The following CTDSPL2 variants were observed in gnomAD, a reference collection of about 807,000 sequenced individuals.
CTDSPL2 encodes the protein CTD small phosphatase like 2, also known as CTD small phosphatase-like protein 2.
A neutral mutation model predicts 60.0 loss-of-function variants in CTDSPL2; 5 were observed. That is an observed-to-expected ratio of 0.08 (90% CI 0.04 to 0.18). CTDSPL2 has a LOEUF of 0.18. Among genes scored for constraint, CTDSPL2 ranks in the 10% least tolerant of loss-of-function variants. CTDSPL2 has a pLI of 1.00. For synonymous variants in CTDSPL2, 186 were observed against 189.3 expected (o/e 0.98, Z 0.14); for missense variants, 370 against 548.8 (o/e 0.67, Z 3.26).
chr15:44,458,061 A>C (rs2080485866), intron 1 of CTDSPL2, among the ~76,000 whole-genome samples: 1 of 152,186 alleles, frequency 6.6e-6, no homozygotes, highest in Non-Finnish European at 1.5e-5. Flanking sequence ...TTGTTCTGTG[A>C]GTGTATCCAC....
chr15:44,445,129 C>T (rs1393177949), intron 1 of CTDSPL2, among the ~76,000 whole-genome samples: 1 of 151,602 alleles, frequency 6.6e-6, no homozygotes, highest in East Asian at 1.9e-4. Flanking sequence ...CAGGTGTGAG[C>T]CACCCCGCCC....
At position 44,428,709 on chromosome 15, in the gene CTDSPL2, A is replaced by G. The variant is rs547187628; in HGVS notation, c.-25+937A>G. Among the ~76,000 whole-genome samples, 6 of 152,336 alleles carry G rather than the reference A, an allele frequency of 3.9e-5. No homozygotes were observed. The East Asian group carries it at 1.2e-3, about 29-fold the overall frequency. On this transcript the variant is annotated intron_variant, in intron 1 of 12. Transcript: ENST00000260327. ...ATGAATTTCTTCAGTGGGTATACAA[A>G]TTAGTGACTTGAAATGATGGATTTA...
At chr15:44,461,573 CTTTTT>C (rs35540014) in intron 2 of CTDSPL2, among the ~76,000 whole-genome samples, 4 of 125,656 alleles carry the variant, frequency 3.2e-5, no homozygotes, top group Non-Finnish European at 6.7e-5. Flanking sequence ...GTTTCTCTCC[CTTTTT>C]TTTTTTTTTT....
chr15:44,434,141 C>A (rs2079923806), intron 1 of CTDSPL2, among the ~76,000 whole-genome samples: 1 of 151,866 alleles, frequency 6.6e-6, no homozygotes, highest in Non-Finnish European at 1.5e-5. Flanking sequence ...GTGGCTCACG[C>A]TTGTAATCCC....
intron 1 of CTDSPL2, among the ~76,000 whole-genome samples, chr15:44,428,347 G>C (rs77615012): frequency 0.1 from 15,561 of 152,186 alleles, 1,660 homozygotes; most frequent in African/African-American, 0.25. Context: ...TGTGGAAGGC[G>C]TCTGGTTTCC....
chr15:44,487,202 TG>T (rs1474634872), intron 4 of CTDSPL2, among the ~76,000 whole-genome samples: 1 of 152,194 alleles, frequency 6.6e-6, no homozygotes, highest in African/African-American at 2.4e-5. Context: ...GCCGGTAATC[TG>T]AACTCTTCGG....
intron 5 of CTDSPL2, among the ~76,000 whole-genome samples, chr15:44,493,226 C>G (rs1316382259): frequency 6.6e-6 from 1 of 152,068 alleles, no homozygotes; most frequent in Non-Finnish European, 1.5e-5. Context: ...CATGGTGTGT[C>G]ACATTGCAGT....
intron 1 of CTDSPL2, among the ~76,000 whole-genome samples, chr15:44,430,392 C>T (rs2079832788): frequency 6.6e-6 from 1 of 151,992 alleles, no homozygotes; most frequent in Admixed American, 6.6e-5. Context: ...ACTGCAGGCA[C>T]ATGCTACCAC....
intron 2 of CTDSPL2, among the ~76,000 whole-genome samples, chr15:44,460,527 A>T (rs1247322333): frequency 1.3e-5 from 2 of 152,164 alleles, no homozygotes; most frequent in Admixed American, 1.3e-4. Flanking sequence ...TAAATTTTTC[A>T]TTATAATGGA....
chr15:44,463,694 AATT>A (rs1307044749), intron 2 of CTDSPL2, among the ~76,000 whole-genome samples: 1 of 152,144 alleles, frequency 6.6e-6, no homozygotes, highest in Non-Finnish European at 1.5e-5. Context: ...TATGGCTTTT[AATT>A]ATTGTTGCTT....
At chr15:44,487,119 G>A (rs1345525543) in intron 4 of CTDSPL2, among the ~76,000 whole-genome samples, 1 of 152,028 alleles carries the variant, frequency 6.6e-6, no homozygotes, top group African/African-American at 2.4e-5. Context: ...AGCATATTTT[G>A]TCAATGTCTC....
intron 7 of CTDSPL2, among the ~76,000 whole-genome samples, chr15:44,497,662 G>C (rs1380904239): frequency 6.6e-6 from 1 of 152,126 alleles, no homozygotes; most frequent in African/African-American, 2.4e-5. Flanking sequence ...GAGCCACTGA[G>C]CCCGGCCCCA....
intron 2 of CTDSPL2, among the ~76,000 whole-genome samples, chr15:44,472,913 G>C (rs2080840088): frequency 6.6e-6 from 1 of 152,158 alleles, no homozygotes. Context: ...CGCCTGCCTT[G>C]GCCTTCCAAA....
Position 44,497,036 on chromosome 15 carries a change from C to T in CTDSPL2, c.780C>T (p.Phe260=). ...EDWEVFDPYY[F]IKHVPPLTEE... is the part of the protein sequence containing the mutation. ...AAAATCTGATTTATAGCTATTATTT[C>T]ATCAAACATGTCCCGCCACTGACAG... The change falls in exon 7 of 13, where the codon TTC becomes TTT. Residue 260 remains phenylalanine (F), a synonymous_variant. Coordinates refer to ENST00000260327, the MANE Select transcript of CTDSPL2 (RefSeq NM_016396.3). 1 of 1,593,338 alleles carries T rather than the reference C, an allele frequency of 6.3e-7. No homozygotes were observed. The highest frequency in any genetic ancestry group is 8.6e-7 in the Non-Finnish European group (1 of 1,164,346).
In CTDSPL2 at chr15:44,526,209, TA is replaced by T. The variant is rs1347144659; in HGVS notation, c.*2036del. ...ATGCTCTTGCTCAAAATTGTGAACC[TA>T]GTTACATTTCTCCCTGCTCCCTTCC... On this transcript the variant is annotated 3_prime_UTR_variant, in exon 13 of 13. Coordinates refer to ENST00000260327, the MANE Select transcript of CTDSPL2 (RefSeq NM_016396.3). The T allele has an allele frequency of 6.6e-6, 1 of 152,118 alleles. No individual in the cohort carries two copies. The highest frequency in any genetic ancestry group is 1.5e-5 in the Non-Finnish European group (1 of 67,972). The allele number at this position is 152,118 out of a possible 1,614,324, so 9.4% of individuals were successfully genotyped here.
chr15:44,479,448 G>C (rs543200668), intron 2 of CTDSPL2, among the ~76,000 whole-genome samples: 50 of 96,016 alleles, frequency 5.2e-4, no homozygotes, highest in Middle Eastern at 0.031. Flanking sequence ...ATCTTGCTCT[G>C]TTGCCCAGGT....
chr15:44,515,909 G>GGTTC (rs905442280), intron 10 of CTDSPL2, among the ~76,000 whole-genome samples: 1 of 151,078 alleles, frequency 6.6e-6, no homozygotes, highest in Non-Finnish European at 1.5e-5. Context: ...TTGGTTGGTT[G>GGTTC]GTTCGTTCGT....
At chr15:44,509,687 C>T (rs1448139030) in intron 8 of CTDSPL2, among the ~76,000 whole-genome samples, 1 of 151,756 alleles carries the variant, frequency 6.6e-6, no homozygotes, top group Non-Finnish European at 1.5e-5. Context: ...TGGCTCATGC[C>T]TATAATCCCA....
At chr15:44,505,418 CAAAAA>C (rs2081443414) in intron 8 of CTDSPL2, among the ~76,000 whole-genome samples, 1 of 150,620 alleles carries the variant, frequency 6.6e-6, no homozygotes, top group African/African-American at 2.4e-5. Flanking sequence ...GAGCCAGTCT[CAAAAA>C]GAAAAAAAAG....
Sources: gnomAD v4.1 joint callset for allele counts (sites outside exome capture counted in the v4.1 genomes callset) on GRCh38, gnomAD v4.1.1 for gene constraint, MANE v1.5 for transcripts, NCBI Gene and HGNC (gene_info 2026-07-23, HGNC 2026-07-21) for gene names.